ITGA9: variants seen among roughly 807,000 people sequenced by gnomAD.
The protein encoded by ITGA9 is integrin alpha-9.
ITGA9 carries 56 observed loss-of-function variants against 127.8 expected under a neutral mutation model. The observed-to-expected ratio is 0.44, with a 90% confidence interval of 0.35 to 0.55. The LOEUF is 0.55. Among genes scored for constraint, ITGA9 ranks in the 20% least tolerant of loss-of-function variants. The probability of loss-of-function intolerance (pLI) is 0.00; values close to 1 mark genes in which losing one functional copy is unlikely to be tolerated. For missense variants in ITGA9, 1,196 were observed against 1,347.1 expected (o/e 0.89, Z 1.76); for synonymous variants, 508 against 514.5 (o/e 0.99, Z 0.17).
At chr3:37,564,029 A>T (rs550099951) in intron 15 of ITGA9, among the ~76,000 whole-genome samples, 1 of 152,352 alleles carries the variant, frequency 6.6e-6, no homozygotes, top group East Asian at 1.9e-4. Context: ...ATTCAAATTA[A>T]TTTTGGAACA....
intron 3 of ITGA9, among the ~76,000 whole-genome samples, chr3:37,480,610 A>G (rs1417163906): frequency 6.6e-6 from 1 of 152,146 alleles, no homozygotes; most frequent in Non-Finnish European, 1.5e-5. Flanking sequence ...ATTTTGCTGT[A>G]TGTAAGTTTC....
chr3:37,731,126 A>G (rs1696286065), intron 18 of ITGA9, among the ~76,000 whole-genome samples: 1 of 152,228 alleles, frequency 6.6e-6, no homozygotes, highest in Non-Finnish European at 1.5e-5. Flanking sequence ...TTTATGTATT[A>G]AAAATGCTCA....
chr3:37,529,572 T>A (rs1233023621), intron 13 of ITGA9, among the ~76,000 whole-genome samples: 1 of 152,198 alleles, frequency 6.6e-6, no homozygotes, highest in East Asian at 1.9e-4. Flanking sequence ...GGAGGTGTTT[T>A]AAGGACGGGA....
chr3:37,588,983 CAGA>C (rs1400384186), intron 15 of ITGA9, among the ~76,000 whole-genome samples: 4 of 152,144 alleles, frequency 2.6e-5, no homozygotes, highest in Non-Finnish European at 4.4e-5. Context: ...GACAGGATTA[CAGA>C]AGATGTTTAC....
chr3:37,803,185 G>A (rs1489149413), intron 26 of ITGA9, among the ~76,000 whole-genome samples: 1 of 152,194 alleles, frequency 6.6e-6, no homozygotes, highest in Non-Finnish European at 1.5e-5. Flanking sequence ...GAAACAAAAG[G>A]TACATTGTCG....
In ITGA9 at chr3:37,781,321, G is replaced by A. The variant is rs544295842; in HGVS notation, c.2787+1300G>A. Among the ~76,000 whole-genome samples the A allele has an allele frequency of 1.1e-3, 170 of 152,300 alleles. 1 individual carries two copies. The highest frequency in any genetic ancestry group is 3.9e-3 in the African/African-American group (163 of 41,548). On this transcript the variant is annotated intron_variant, in intron 25 of 27. Transcript: ENST00000264741. Reference sequence around the variant, plus strand: ...GGCTTTGCAGGCCCTACAGTCTCTTGCAACTGTTCAACTCTGCCATTGTAT... The same window carrying A: ...GGCTTTGCAGGCCCTACAGTCTCTTACAACTGTTCAACTCTGCCATTGTAT...
At chr3:37,732,287 T>C (rs2125528348) in intron 18 of ITGA9, among the ~76,000 whole-genome samples, 1 of 152,048 alleles carries the variant, frequency 6.6e-6, no homozygotes, top group South Asian at 2.1e-4. Flanking sequence ...AACCCTCTCT[T>C]TTCTTGGTGT....
chr3:37,673,492 C>G (rs1348450046), intron 17 of ITGA9, among the ~76,000 whole-genome samples: 4 of 152,186 alleles, frequency 2.6e-5, no homozygotes, highest in Non-Finnish European at 5.9e-5. Context: ...AGCAGCATCT[C>G]TGGCAGTAGC....
intron 17 of ITGA9, among the ~76,000 whole-genome samples, chr3:37,658,595 G>T (rs529830980): frequency 3.3e-5 from 5 of 152,016 alleles, no homozygotes; most frequent in Non-Finnish European, 7.4e-5. Context: ...ACATGAAATG[G>T]GTCTCCTGAA....
intron 13 of ITGA9, among the ~76,000 whole-genome samples, chr3:37,530,895 G>T (rs1055769655): frequency 3.3e-5 from 5 of 151,620 alleles, no homozygotes; most frequent in Admixed American, 2.0e-4. Flanking sequence ...GGGACTACAG[G>T]TGCCCGCCAC....
chr3:37,684,149 A>T (rs1282495853), intron 18 of ITGA9, 134 bp downstream of exon 18: 6 of 867,438 alleles, frequency 6.9e-6, no homozygotes, highest in Non-Finnish European at 1.1e-5. Flanking sequence ...AATGATTAGA[A>T]CTTTTTTCTT....
intron 18 of ITGA9, among the ~76,000 whole-genome samples, chr3:37,724,862 G>A (rs1701230119): frequency 6.6e-6 from 1 of 152,146 alleles, no homozygotes; most frequent in African/African-American, 2.4e-5. Context: ...GTAGGTGTTT[G>A]TTAGATGATT....
chr3:37,464,940 G>A lies in ITGA9; in HGVS notation c.186-6067G>A, dbSNP rs551961704. On this transcript the variant is annotated intron_variant, in intron 1 of 27. Coordinates refer to ENST00000264741, the MANE Select transcript of ITGA9 (RefSeq NM_002207.3). ...TCAAGCCTGGGCTGCTTTCTGCCCA[G>A]TAAGGGATGCGGACAATTCCTGGGG... is the stretch of plus-strand genomic sequence containing the variant. Among the ~76,000 whole-genome samples, 4 of 152,344 alleles carry A rather than the reference G, an allele frequency of 2.6e-5. No homozygotes were observed. In the East Asian group the frequency reaches 5.8e-4, roughly 22 times the overall value.
rs111583209 is a variant in ITGA9 at position 37,624,808 on chromosome 3, C to T, written c.1690-4379C>T. Among the ~76,000 whole-genome samples, 574 of 150,340 alleles carry T rather than the reference C, an allele frequency of 3.8e-3. 3 individuals carry two copies. Among genetic ancestry groups the T allele is most frequent in the African/African-American group, 0.013 (524 of 40,648 alleles). On this transcript the variant is annotated intron_variant, in intron 15 of 27. Transcript: ENST00000264741. ...TTTTAGTAGAGATGGGGTTTCACCA[C>T]GTTGGCCAGGCTGGTCTCAAACTTC...
chr3:37,750,645 C>G (rs994820813), intron 23 of ITGA9, 76 bp downstream of exon 23: 2 of 990,674 alleles, frequency 2.0e-6, no homozygotes, highest in Non-Finnish European at 3.2e-6. Flanking sequence ...CCACCCTACC[C>G]TGACATCCAC....
At chr3:37,662,352 G>A (rs1700546263) in intron 17 of ITGA9, among the ~76,000 whole-genome samples, 1 of 152,042 alleles carries the variant, frequency 6.6e-6, no homozygotes, top group Admixed American at 6.6e-5. Context: ...GCAATGAGCT[G>A]AGATGGCACC....
In ITGA9 at chr3:37,452,612, C is replaced by T. The variant is rs925175105; in HGVS notation, c.185+53C>T. On this transcript the variant is annotated intron_variant, in intron 1 of 27. Transcript: ENST00000264741. This position sits in a 1 kb window ranked among gnomAD's most constrained non-coding sequence, Gnocchi z 7.3. The stretch of plus-strand genomic sequence containing the variant: ...TGGCCCGCGCGGCCACCGCCCCGGC[C>T]CCCAGGCCAGCGCCGCCGCCGCCTT... 101 of 1,432,938 alleles carry T rather than the reference C, an allele frequency of 7.0e-5. No homozygotes were observed. Among genetic ancestry groups the T allele is most frequent in the Middle Eastern group, 6.3e-4 (3 of 4,796 alleles). The allele number at this position is 1,432,938 out of a possible 1,614,324, so 88.8% of individuals were successfully genotyped here. A position where few individuals can be genotyped will look rare whatever the true frequency, so the allele number is the denominator to read the frequency against.
At chr3:37,528,129 C>T (rs1699113157) in intron 13 of ITGA9, among the ~76,000 whole-genome samples, 1 of 152,220 alleles carries the variant, frequency 6.6e-6, no homozygotes, top group African/African-American at 2.4e-5. Context: ...GAAGGTCCAT[C>T]ATATAGACTC....
intron 15 of ITGA9, among the ~76,000 whole-genome samples, chr3:37,578,267 T>A (rs941674773): frequency 1.2e-4 from 18 of 152,152 alleles, no homozygotes; most frequent in African/African-American, 4.1e-4. Context: ...TAAATTTTAG[T>A]TCGTTGCTGG....
Sources: allele counts gnomAD v4.1 joint callset (sites outside exome capture counted in the v4.1 genomes callset), GRCh38; gene constraint gnomAD v4.1.1; non-coding constraint Gnocchi (gnomAD v3.1); transcripts MANE v1.5; gene names NCBI Gene and HGNC (gene_info 2026-07-23, HGNC 2026-07-21).